HIVEP3: variants seen among roughly 807,000 people sequenced by gnomAD.
HIVEP3 encodes transcription factor HIVEP3.
Under a neutral mutation model 152.8 loss-of-function variants are expected in HIVEP3, and 49 were observed. The ratio of observed to expected loss-of-function variants is 0.32; its 90% CI spans 0.26 to 0.41. The LOEUF (loss-of-function observed/expected upper bound fraction) is 0.41, where lower values mean the gene tolerates loss of function less well. Among genes scored for constraint, HIVEP3 ranks in the 10% least tolerant of loss-of-function variants. HIVEP3 has a pLI of 1.00. For synonymous variants in HIVEP3, 1,269 were observed against 1,289.0 expected (o/e 0.98, Z 0.33); for missense variants, 2,790 against 3,103.3 (o/e 0.90, Z 2.40).
At chr1:41,631,197 C>T (rs927479072) in intron 2 of HIVEP3, among the ~76,000 whole-genome samples, 3 of 152,178 alleles carry the variant, frequency 2.0e-5, no homozygotes, top group South Asian at 2.1e-4. Context: ...CAGGCAGTGT[C>T]GTGGGATGGA....
intron 1 of HIVEP3, among the ~76,000 whole-genome samples, chr1:41,717,224 T>C (rs1171110230): frequency 6.6e-6 from 1 of 150,778 alleles, no homozygotes; most frequent in Admixed American, 6.6e-5. Context: ...GAGGATCCCA[T>C]GGAGCTTGCA....
intron 2 of HIVEP3, among the ~76,000 whole-genome samples, chr1:41,655,177 G>A (rs1311358664): frequency 2.6e-5 from 4 of 151,952 alleles, no homozygotes; most frequent in Non-Finnish European, 5.9e-5. Flanking sequence ...AGACCTCCAC[G>A]TGCCCCATAG....
intron 1 of HIVEP3, among the ~76,000 whole-genome samples, chr1:41,981,751 A>G (rs1477815419): frequency 1.3e-5 from 2 of 152,226 alleles, no homozygotes; most frequent in African/African-American, 4.8e-5. Context: ...TGGATTCATC[A>G]TTCTGGGACT....
chr1:41,598,781 A>G (rs1644703301), intron 3 of HIVEP3, among the ~76,000 whole-genome samples: 1 of 149,506 alleles, frequency 6.7e-6, no homozygotes. Context: ...AAGGAAACAT[A>G]CTCCCACACA....
chr1:41,583,888 G>T lies in HIVEP3; in HGVS notation c.910C>A (p.Gln304Lys), dbSNP rs759005922. ...TATAGCCCGCTGGAGAGAAGGGGCT[G>T]CTTGGGTCTTGGGGAGAGCTCTGCA... ...HPAELSPRPK[Q>K]PLLSSGLYSS... Residue 304 changes from glutamine to lysine, a missense_variant, in exon 4 of 9, where the codon CAG becomes AAG. Around this residue, in one of 9 missense-constraint regions of HIVEP3, gnomAD observed 125 missense variants for 130.1 expected, o/e 0.96. Coordinates refer to ENST00000372583, the MANE Select transcript of HIVEP3 (RefSeq NM_024503.5). This position sits in a 1 kb window ranked among gnomAD's most constrained non-coding sequence, Gnocchi z 6.9. 1 of 1,613,920 alleles carries T rather than the reference G, an allele frequency of 6.2e-7. No homozygotes were observed. Among genetic ancestry groups the T allele is most frequent in the East Asian group, 2.2e-5 (1 of 44,890 alleles).
At chr1:41,551,404 G>A (rs1463423489) in intron 5 of HIVEP3, among the ~76,000 whole-genome samples, 2 of 152,138 alleles carry the variant, frequency 1.3e-5, no homozygotes, top group Non-Finnish European at 2.9e-5. Context: ...GAATGAGTTA[G>A]GGAGGATTCC....
chr1:41,903,315 A>G (rs1463850271), intron 1 of HIVEP3, among the ~76,000 whole-genome samples: 1 of 152,218 alleles, frequency 6.6e-6, no homozygotes, highest in African/African-American at 2.4e-5. Flanking sequence ...GCAACTGCCT[A>G]GGATCACTCC....
intron 5 of HIVEP3, among the ~76,000 whole-genome samples, chr1:41,564,618 A>G (rs1644132878): frequency 6.6e-6 from 1 of 152,242 alleles, no homozygotes; most frequent in Non-Finnish European, 1.5e-5. Context: ...ATGGCAATGG[A>G]GCAATGTCTT....
At chr1:41,557,899 C>T (rs1029469594) in intron 5 of HIVEP3, among the ~76,000 whole-genome samples, 4 of 152,188 alleles carry the variant, frequency 2.6e-5, no homozygotes, top group East Asian at 1.9e-4. Context: ...CCCCACCCAG[C>T]GAGGGCTCCT....
chr1:41,713,178 T>C (rs1290981247), intron 1 of HIVEP3, among the ~76,000 whole-genome samples: 2 of 152,164 alleles, frequency 1.3e-5, no homozygotes, highest in Non-Finnish European at 2.9e-5. Context: ...CCTTCCCCTC[T>C]TGCAGTGTCC....
chr1:41,936,760 C>T (rs1301849067), intron 1 of HIVEP3, among the ~76,000 whole-genome samples: 3 of 152,104 alleles, frequency 2.0e-5, no homozygotes, highest in Non-Finnish European at 4.4e-5. Flanking sequence ...CTGAATTAAC[C>T]ATATCAGTAC....
intron 2 of HIVEP3, among the ~76,000 whole-genome samples, chr1:41,694,886 G>A (rs1487024353): frequency 4.6e-5 from 7 of 152,212 alleles, no homozygotes; most frequent in Non-Finnish European, 8.8e-5. Flanking sequence ...GTAAGTGGTA[G>A]GGCCTGCTGA....
chr1:41,910,025 A>C (rs1644771839), intron 1 of HIVEP3, among the ~76,000 whole-genome samples: 1 of 152,010 alleles, frequency 6.6e-6, no homozygotes, highest in Non-Finnish European at 1.5e-5. Context: ...CACTTACCTT[A>C]AAAAGCTAAG....
At chr1:42,027,382 C>T (rs929538827) in intron 1 of HIVEP3, among the ~76,000 whole-genome samples, 1 of 152,182 alleles carries the variant, frequency 6.6e-6, no homozygotes, top group Non-Finnish European at 1.5e-5. Flanking sequence ...ACAATCTGTT[C>T]TCCATATAGA....
intron 3 of HIVEP3, among the ~76,000 whole-genome samples, chr1:41,605,371 ACG>A (rs71062595): frequency 0.098 from 12,359 of 126,378 alleles, 1,096 homozygotes; most frequent in East Asian, 0.39. Flanking sequence ...ACACACGCAC[ACG>A]CGCACACACA....
intron 5 of HIVEP3, among the ~76,000 whole-genome samples, chr1:41,565,868 T>G (rs570549608): frequency 1.3e-5 from 2 of 152,358 alleles, no homozygotes; most frequent in South Asian, 4.1e-4. Context: ...CTGACAGGGC[T>G]CAGAGCTCTG....
At chr1:41,771,674 T>G (rs182374222) in intron 1 of HIVEP3, among the ~76,000 whole-genome samples, 128 of 152,204 alleles carry the variant, frequency 8.4e-4, no homozygotes, top group African/African-American at 3.0e-3. Context: ...TTTTTTGTTT[T>G]GTTTTGTTTT....
chr1:41,878,703 CTCTT>C lies in HIVEP3; in HGVS notation c.-801+39706_-801+39709del, dbSNP rs368594870. Among the ~76,000 whole-genome samples, 549 of 146,772 alleles carry C rather than the reference CTCTT, an allele frequency of 3.7e-3. 6 individuals are homozygous for C. The highest frequency in any genetic ancestry group is 0.013 in the African/African-American group (512 of 39,506). ...CCTTCCCTCCTCCCTCCTCCTCCCT[CTCTT>C]TCTAACTCCCTCCCTTCCTTCCTCT... On this transcript the variant is annotated intron_variant, in intron 1 of 8. Transcript: ENST00000372583.
chr1:41,961,970 T>C (rs1448847488), intron 1 of HIVEP3, among the ~76,000 whole-genome samples: 6 of 152,226 alleles, frequency 3.9e-5, no homozygotes, highest in African/African-American at 1.2e-4. Context: ...AATGGATAGA[T>C]AGAAAATATT....
Sources: gnomAD v4.1 joint callset for allele counts (sites outside exome capture counted in the v4.1 genomes callset) on GRCh38, gnomAD v4.1.1 for gene constraint, gnomAD v4.1.1 regional missense constraint, Gnocchi (gnomAD v3.1) non-coding constraint, MANE v1.5 for transcripts, NCBI Gene and HGNC (gene_info 2026-07-23, HGNC 2026-07-21) for gene names.